TSHZ2: variants seen among roughly 807,000 people sequenced by gnomAD.
TSHZ2 encodes the protein teashirt homolog 2.
TSHZ2 carries 21 observed loss-of-function variants against 74.4 expected under a neutral mutation model. The ratio of observed to expected loss-of-function variants is 0.28; its 90% CI spans 0.20 to 0.41. The LOEUF (loss-of-function observed/expected upper bound fraction) is 0.41. Ranked by LOEUF, TSHZ2 falls within the 10% of genes least tolerant of loss-of-function variation. TSHZ2 has a pLI of 1.00. For missense variants in TSHZ2, 1,244 were observed against 1,293.5 expected (o/e 0.96, Z 0.59); for synonymous variants, 540 against 515.3 (o/e 1.05, Z -0.65).
At chr20:53,029,899 T>C (rs1600654763) in intron 1 of TSHZ2, among the ~76,000 whole-genome samples, 1 of 152,284 alleles carries the variant, frequency 6.6e-6, no homozygotes, top group Middle Eastern at 3.4e-3. Context: ...GAAAGCAAAT[T>C]ATCATATTAA....
intron 1 of TSHZ2, among the ~76,000 whole-genome samples, chr20:53,204,762 G>A (rs1989122418): frequency 6.6e-6 from 1 of 152,020 alleles, no homozygotes; most frequent in Non-Finnish European, 1.5e-5. Flanking sequence ...CCATTTTATA[G>A]ATGTGAACAT....
intron 1 of TSHZ2, among the ~76,000 whole-genome samples, chr20:53,086,988 G>C (rs1985718492): frequency 6.6e-6 from 1 of 152,174 alleles, no homozygotes; most frequent in Admixed American, 6.5e-5. Flanking sequence ...GGATGGGGTG[G>C]AGGGTTTCAT....
intron 1 of TSHZ2, among the ~76,000 whole-genome samples, chr20:53,072,094 G>A (rs1985193088): frequency 6.6e-6 from 1 of 152,202 alleles, no homozygotes; most frequent in Non-Finnish European, 1.5e-5. Flanking sequence ...GTCGCGCGGA[G>A]GCTGGGGAAC....
intron 2 of TSHZ2, among the ~76,000 whole-genome samples, chr20:53,281,341 A>C (rs926939820): frequency 6.6e-6 from 1 of 152,162 alleles, no homozygotes; most frequent in Non-Finnish European, 1.5e-5. Context: ...TCTTGAGGTC[A>C]AAAAAAGCTT....
At chr20:53,261,952 T>C (rs1365305661) in intron 2 of TSHZ2, among the ~76,000 whole-genome samples, 5 of 152,212 alleles carry the variant, frequency 3.3e-5, no homozygotes, top group Admixed American at 6.5e-5. Flanking sequence ...GCTTAGGTGG[T>C]TGCAGATGAG....
intron 2 of TSHZ2, among the ~76,000 whole-genome samples, chr20:53,460,138 A>G (rs1360587738): frequency 1.3e-5 from 2 of 151,920 alleles, no homozygotes; most frequent in African/African-American, 2.4e-5. Flanking sequence ...CCTGGATAAT[A>G]TCCTGCAGAG....
intron 2 of TSHZ2, among the ~76,000 whole-genome samples, chr20:53,345,942 A>G (rs975048625): frequency 1.3e-5 from 2 of 152,220 alleles, no homozygotes; most frequent in Admixed American, 1.3e-4. Context: ...CGGTCACTCA[A>G]GAGGGGCCGA....
chr20:53,445,255 C>T (rs1984505582), intron 2 of TSHZ2, among the ~76,000 whole-genome samples: 1 of 152,162 alleles, frequency 6.6e-6, no homozygotes, highest in South Asian at 2.1e-4. Flanking sequence ...ATTGGGTGCT[C>T]TTTCCTTCCA....
intron 1 of TSHZ2, among the ~76,000 whole-genome samples, chr20:53,158,810 C>T (rs1987858119): frequency 6.6e-6 from 1 of 152,194 alleles, no homozygotes; most frequent in South Asian, 2.1e-4. Context: ...GGTGCACACC[C>T]AGACTTCCTG....
intron 1 of TSHZ2, among the ~76,000 whole-genome samples, chr20:53,233,109 C>CT (rs397933545): frequency 6.6e-6 from 1 of 152,206 alleles, no homozygotes; most frequent in Non-Finnish European, 1.5e-5. Context: ...CAACTGCCCC[C>CT]TGGCAGCCAT....
chr20:53,065,748 A>G (rs1271498888), intron 1 of TSHZ2, among the ~76,000 whole-genome samples: 2 of 152,232 alleles, frequency 1.3e-5, no homozygotes, highest in Non-Finnish European at 2.9e-5. Context: ...GCAGACGTGA[A>G]TATATAGGTC....
At chr20:53,391,154 TG>T (rs1982239182) in intron 2 of TSHZ2, among the ~76,000 whole-genome samples, 7 of 130,356 alleles carry the variant, frequency 5.4e-5, no homozygotes, top group African/African-American at 1.7e-4. Flanking sequence ...TGTTTTGTTT[TG>T]GTTTGGTTTG....
chr20:53,086,660 CAATT>C (rs1985708988), intron 1 of TSHZ2, among the ~76,000 whole-genome samples: 1 of 152,154 alleles, frequency 6.6e-6, no homozygotes, highest in African/African-American at 2.4e-5. Context: ...TTCATCCTAA[CAATT>C]ATTTATAGGC....
rs3042220 is a variant in TSHZ2 at position 53,463,380 on chromosome 20, G to GAGGAAGGAAGGAAGGA, written c.*9-23723_*9-23708dup. Reference sequence around the variant, plus strand: ...CCCTGTCTTGAAAGACAGAGAGAGAGAGGAAGGAAGGAAGGAAGGAAGGAA... The same window carrying GAGGAAGGAAGGAAGGA: ...CCCTGTCTTGAAAGACAGAGAGAGAGAGGAAGGAAGGAAGGAAGGAAGGAAGGAAGGAAGGAAGGAA... On this transcript the variant is annotated intron_variant, in intron 2 of 2. Transcript: ENST00000371497. 1.3e-3 allele frequency among the ~76,000 whole-genome samples: 89 copies of GAGGAAGGAAGGAAGGA among 68,628 alleles called. 2 individuals carry two copies. Among genetic ancestry groups the GAGGAAGGAAGGAAGGA allele is most frequent in the East Asian group, 8.9e-3 (17 of 1,902 alleles). The allele number at this position is 68,628 out of a possible 152,430, so 45.0% of individuals were successfully genotyped here. A position where few individuals can be genotyped will look rare whatever the true frequency, so the allele number is the denominator to read the frequency against.
intron 1 of TSHZ2, among the ~76,000 whole-genome samples, chr20:53,106,276 C>T (rs752337374): frequency 2.2e-4 from 33 of 151,528 alleles, no homozygotes; most frequent in Non-Finnish European, 3.1e-4. Context: ...CCTTTTTACT[C>T]GCTTTTACTT....
At chr20:53,315,480 C>G (rs533512263) in intron 2 of TSHZ2, among the ~76,000 whole-genome samples, 3 of 152,158 alleles carry the variant, frequency 2.0e-5, no homozygotes, top group African/African-American at 7.2e-5. Context: ...TGTGTATAGG[C>G]GTGCTTGCCT....
intron 2 of TSHZ2, among the ~76,000 whole-genome samples, chr20:53,334,016 T>A (rs1196371633): frequency 6.6e-6 from 1 of 152,192 alleles, no homozygotes; most frequent in Non-Finnish European, 1.5e-5. Context: ...GTGGCCAAAG[T>A]CTGTTGACTA....
chr20:53,159,044 GATAGGT>G (rs1205959070), intron 1 of TSHZ2, among the ~76,000 whole-genome samples: 1 of 152,158 alleles, frequency 6.6e-6, no homozygotes. Flanking sequence ...AAACAAATAC[GATAGGT>G]ACAAAACAAG....
intron 1 of TSHZ2, among the ~76,000 whole-genome samples, chr20:53,084,537 T>G (rs1489594809): frequency 6.6e-6 from 1 of 152,234 alleles, no homozygotes; most frequent in African/African-American, 2.4e-5. Flanking sequence ...GGTGGGAATT[T>G]TTGAGCAAGA....
Sources: gnomAD v4.1 joint callset for allele counts (sites outside exome capture counted in the v4.1 genomes callset) on GRCh38, gnomAD v4.1.1 for gene constraint, MANE v1.5 for transcripts, NCBI Gene and HGNC (gene_info 2026-07-23, HGNC 2026-07-21) for gene names.